Variants in IFNAR2 observed in about 807,000 individuals in gnomAD.
IFNAR2 encodes interferon alpha/beta receptor 2.
In IFNAR2, 30 loss-of-function variants were observed where a neutral mutation model predicts 49.4. The ratio of observed to expected loss-of-function variants is 0.61; its 90% CI spans 0.45 to 0.82. The LOEUF is 0.82. Ranked by LOEUF, IFNAR2 falls within the 40% of genes least tolerant of loss-of-function variation. The pLI is 0.00. For missense variants in IFNAR2, 600 were observed against 622.7 expected (o/e 0.96, Z 0.39); for synonymous variants, 224 against 234.5 (o/e 0.96, Z 0.41).
At chr21:33,248,591 G>T (rs1987615015) in intron 5 of IFNAR2, 118 bp from the exon 6 acceptor site, 2 of 815,992 alleles carry the variant, frequency 2.5e-6, no homozygotes, top group Admixed American at 3.5e-5. Flanking sequence ...GAAAAATTAT[G>T]ATGTAAATCA....
chr21:33,251,612 T>G (rs1397530764), intron 6 of IFNAR2: 1 of 985,272 alleles, frequency 1.0e-6, no homozygotes, highest in African/African-American at 1.7e-5. Flanking sequence ...CAGAAAAACA[T>G]CATTACTGAA....
In IFNAR2 at chr21:33,230,408, C is replaced by A; in HGVS notation, c.-84+192C>A. On this transcript the variant is annotated intron_variant, in intron 1 of 8. Coordinates refer to ENST00000342136, the MANE Select transcript of IFNAR2 (RefSeq NM_001289125.3). The surrounding 1 kb of genome is among the most constrained non-coding windows in gnomAD (Gnocchi z 5.5). ...GTGCGCCCTTCCTCTCTCCCGGGGC[C>A]GCACCTGCGACCCCAGGACCCCTCC... is the stretch of plus-strand genomic sequence containing the variant. The A allele has an allele frequency of 2.1e-6, 1 of 486,740 alleles. No individual in the cohort carries two copies. Among genetic ancestry groups the A allele is most frequent in the Non-Finnish European group, 3.7e-6 (1 of 273,166 alleles). The allele number at this position is 486,740 out of a possible 1,614,324, so 30.2% of individuals were successfully genotyped here. A position where few individuals can be genotyped will look rare whatever the true frequency, so the allele number is the denominator to read the frequency against.
chr21:33,257,142 G>A (rs1320144291), intron 7 of IFNAR2, among the ~76,000 whole-genome samples: 2 of 152,182 alleles, frequency 1.3e-5, no homozygotes, highest in Non-Finnish European at 2.9e-5. Context: ...CCTCAAGTCA[G>A]CAGCCAGTCA....
chr21:33,239,352 G>A (rs1199955118), intron 1 of IFNAR2, among the ~76,000 whole-genome samples: 1 of 152,226 alleles, frequency 6.6e-6, no homozygotes, highest in Non-Finnish European at 1.5e-5. Context: ...GCTGTGTCCA[G>A]TGGTCTCATG....
At chr21:33,256,312 C>T (rs562535105) in intron 7 of IFNAR2, among the ~76,000 whole-genome samples, 145 of 152,194 alleles carry the variant, frequency 9.5e-4, no homozygotes, top group Non-Finnish European at 1.6e-3. Flanking sequence ...GATTATTACC[C>T]GAGATAGGTC....
chr21:33,232,719 A>C (rs763090777), intron 1 of IFNAR2, among the ~76,000 whole-genome samples: 1 of 151,982 alleles, frequency 6.6e-6, no homozygotes, highest in Admixed American at 6.6e-5. Context: ...TCACAAAGGA[A>C]CAGTGGGCCC....
chr21:33,253,354 A>T (rs991469362), intron 7 of IFNAR2, among the ~76,000 whole-genome samples: 10 of 152,204 alleles, frequency 6.6e-5, no homozygotes, highest in African/African-American at 2.2e-4. Context: ...AACAATAAAC[A>T]GTGTGATCCC....
intron 1 of IFNAR2, among the ~76,000 whole-genome samples, chr21:33,235,779 A>C (rs1180834334): frequency 6.6e-6 from 1 of 152,056 alleles, no homozygotes; most frequent in Non-Finnish European, 1.5e-5. Flanking sequence ...ACAAAAAATT[A>C]GCTGGGTGTG....
At chr21:33,242,249 G>C (rs1226258257) in intron 2 of IFNAR2, among the ~76,000 whole-genome samples, 2 of 152,192 alleles carry the variant, frequency 1.3e-5, no homozygotes, top group Non-Finnish European at 2.9e-5. Flanking sequence ...AATTTGAAGA[G>C]TAATTTCTCC....
intron 1 of IFNAR2, among the ~76,000 whole-genome samples, chr21:33,232,282 A>G (rs906474707): frequency 1.6e-4 from 25 of 152,210 alleles, no homozygotes; most frequent in African/African-American, 4.8e-4. Flanking sequence ...TGGAAGAATG[A>G]AACTGGGGGC....
chr21:33,237,378 T>A (rs1176357182), intron 1 of IFNAR2, among the ~76,000 whole-genome samples: 1 of 148,846 alleles, frequency 6.7e-6, no homozygotes, highest in Non-Finnish European at 1.5e-5. Flanking sequence ...AAAAAAAAAA[T>A]ACAAAAATTA....
chr21:33,246,755 A>C lies in IFNAR2; in HGVS notation c.259A>C (p.Asn87His), dbSNP rs1292357667. Residue 87 changes from asparagine (N) to histidine (H), a missense_variant, in exon 5 of 9, where the codon AAT (asparagine) becomes CAT (histidine). Coordinates refer to ENST00000342136, the MANE Select transcript of IFNAR2 (RefSeq NM_001289125.3). ...EDLKVVKNCANTTRSFCDLTD... is the reference protein window; with the variant it reads ...EDLKVVKNCAHTTRSFCDLTD... ...TTTGAAGGTGGTTAAGAACTGTGCA[A>C]ATACCACAAGATCATTTTGTGACCT... 6.2e-7 allele frequency: 1 copy of C among 1,613,892 alleles called. No homozygotes were observed. Among genetic ancestry groups the C allele is most frequent in the African/African-American group, 1.3e-5 (1 of 74,934 alleles).
At chr21:33,262,186 G>A (rs1988618670) in intron 8 of IFNAR2, among the ~76,000 whole-genome samples, 1 of 152,064 alleles carries the variant, frequency 6.6e-6, no homozygotes, top group Admixed American at 6.5e-5. Flanking sequence ...CCAACATGGT[G>A]AAACCCCTTC....
intron 7 of IFNAR2, among the ~76,000 whole-genome samples, chr21:33,259,460 C>T (rs887565656): frequency 1.3e-5 from 2 of 152,172 alleles, no homozygotes; most frequent in African/African-American, 4.8e-5. Flanking sequence ...TTCTCAGACT[C>T]ATGAGAATAC....
At chr21:33,234,687 TG>T (rs1202939951) in intron 1 of IFNAR2, 1 of 956,818 alleles carries the variant, frequency 1.0e-6, no homozygotes, top group African/African-American at 1.8e-5. Flanking sequence ...GGTCTCAGGG[TG>T]AATAGCAGGT....
In IFNAR2 at chr21:33,262,998, A is replaced by G; in HGVS notation, c.1046A>G (p.Gln349Arg). ...MHGLTVRPLG[Q>R]ASATSTESQL... Reference sequence around the variant, plus strand: ...GGACTGACTGTCAGGCCTCTGGGTCAGGCCTCTGCCACCTCTACAGAATCC... The same window carrying G: ...GGACTGACTGTCAGGCCTCTGGGTCGGGCCTCTGCCACCTCTACAGAATCC... The change falls in exon 9 of 9, where the codon CAG becomes CGG. Residue 349 changes from glutamine (Q) to arginine (R), a missense_variant. Gln to Arg is a conservative substitution (Grantham distance 43). Coordinates refer to ENST00000342136, the MANE Select transcript of IFNAR2 (RefSeq NM_001289125.3). 6.2e-7 allele frequency: 1 copy of G among 1,614,186 alleles called. No homozygotes were observed. Among genetic ancestry groups the G allele is most frequent in the Non-Finnish European group, 8.5e-7 (1 of 1,180,020 alleles).
At chr21:33,254,070 C>T (rs1988049162) in intron 7 of IFNAR2, among the ~76,000 whole-genome samples, 2 of 152,116 alleles carry the variant, frequency 1.3e-5, no homozygotes, top group African/African-American at 4.8e-5. Context: ...TCTGATTTAC[C>T]AGAATAAAAA....
chr21:33,236,155 G>T (rs945876368), intron 1 of IFNAR2, among the ~76,000 whole-genome samples: 3 of 152,070 alleles, frequency 2.0e-5, no homozygotes, highest in African/African-American at 4.8e-5. Context: ...GAGGAAGAGA[G>T]GGTCTCCACC....
chr21:33,249,082 G>A (rs1180434019), intron 6 of IFNAR2, among the ~76,000 whole-genome samples: 2 of 152,236 alleles, frequency 1.3e-5, no homozygotes, highest in Non-Finnish European at 2.9e-5. Context: ...GGTGGCTCAC[G>A]CCTATAATCC....
Sources: gnomAD v4.1 joint callset for allele counts (sites outside exome capture counted in the v4.1 genomes callset) on GRCh38, gnomAD v4.1.1 for gene constraint, Gnocchi (gnomAD v3.1) non-coding constraint, MANE v1.5 for transcripts, NCBI Gene and HGNC (gene_info 2026-07-23, HGNC 2026-07-21) for gene names.